The following TTC23L variants were observed in gnomAD, a reference collection of about 807,000 sequenced individuals.
The protein encoded by TTC23L is tetratricopeptide repeat domain 23 like, also known as tetratricopeptide repeat protein 23-like.
TTC23L carries 42 observed loss-of-function variants against 48.1 expected under a neutral mutation model. The ratio of observed to expected loss-of-function variants is 0.87; its 90% CI spans 0.68 to 1.13. The LOEUF (loss-of-function observed/expected upper bound fraction) is 1.13, where lower values mean the gene tolerates loss of function less well. TTC23L is among the 50% of genes most tolerant of loss of function. The pLI, the probability that TTC23L is intolerant of heterozygous loss-of-function variation, is 0.00. For missense variants in TTC23L, 391 were observed against 421.0 expected, an observed-to-expected ratio of 0.93 and a Z score of 0.62; for synonymous variants, 159 against 157.2, an observed-to-expected ratio of 1.01 and a Z score of -0.09.
chr5:34,915,921 A>C, the TTC23L span: 2 of 1,516,342 alleles, frequency 1.3e-6, no homozygotes, highest in Non-Finnish European at 1.8e-6. Flanking sequence ...TCCCCGGGCT[A>C]CACCTGCGGC....
intron 4 of TTC23L, among the ~76,000 whole-genome samples, chr5:34,852,636 C>T (rs980742747): frequency 1.3e-5 from 2 of 152,070 alleles, no homozygotes; most frequent in African/African-American, 4.8e-5. Flanking sequence ...TTTAGTGCCC[C>T]ATTCAGTATG....
At chr5:34,922,904 TATA>T in the TTC23L span, 2 of 1,226,242 alleles carry the variant, frequency 1.6e-6, no homozygotes, top group Non-Finnish European at 2.4e-6. Flanking sequence ...CAGGTACATT[TATA>T]ATGAGGTTAT....
In TTC23L at chr5:34,864,569, T is replaced by C; in HGVS notation, c.662+7T>C. 1 of 1,610,334 alleles carries C rather than the reference T, an allele frequency of 6.2e-7. No homozygotes were observed. On this transcript the variant is annotated splice_region_variant and intron_variant, in intron 6 of 10. Coordinates refer to ENST00000505624, the Ensembl canonical transcript of TTC23L. ...TAACACTTGCTTTGGGCAGGTAAGA[T>C]CTGGGCTTGGAGAAGCTGAGGCTTT...
chr5:34,860,503 T>C (rs1378347737), intron 4 of TTC23L, among the ~76,000 whole-genome samples: 1 of 152,224 alleles, frequency 6.6e-6, no homozygotes. Flanking sequence ...TTTAAATGTG[T>C]ATTCTTGGTT....
At chr5:34,848,359 T>C (rs1759387348) in intron 3 of TTC23L, among the ~76,000 whole-genome samples, 1 of 152,200 alleles carries the variant, frequency 6.6e-6, no homozygotes, top group South Asian at 2.1e-4. Flanking sequence ...AACCCATCTT[T>C]AACCTTGCTA....
At chr5:34,914,604 T>C in the TTC23L span, 28 of 1,191,358 alleles carry the variant, frequency 2.4e-5, no homozygotes, top group African/African-American at 4.6e-5. Flanking sequence ...ATTATGACTA[T>C]TAAGTTATTT....
intron 10 of TTC23L, 49 bp downstream of exon 10, chr5:34,896,924 T>G (rs1580496942): frequency 3.1e-6 from 2 of 644,290 alleles, no homozygotes; most frequent in East Asian, 2.7e-5. Context: ...TGAAAGGGGC[T>G]GCAAGAAATG....
chr5:34,861,818 G>A (rs1349960577), intron 4 of TTC23L, among the ~76,000 whole-genome samples: 1 of 152,170 alleles, frequency 6.6e-6, no homozygotes, highest in Non-Finnish European at 1.5e-5. Flanking sequence ...GTGTTTACCA[G>A]CCCCTAGGTA....
the TTC23L span, chr5:34,925,613 G>GA: frequency 2.6e-6 from 2 of 772,282 alleles, no homozygotes; most frequent in Non-Finnish European, 3.8e-6. Context: ...TTACAAGAAA[G>GA]AAAAATTAAG....
the TTC23L span, chr5:34,920,833 T>G: frequency 1.7e-4 from 25 of 150,540 alleles, no homozygotes; most frequent in East Asian, 1.9e-4. Context: ...AAAGTTTTGT[T>G]TTTTTTTTTT....
chr5:34,877,343 G>T (rs1761919836), intron 8 of TTC23L, among the ~76,000 whole-genome samples: 1 of 150,084 alleles, frequency 6.7e-6, no homozygotes, highest in Non-Finnish European at 1.5e-5. Context: ...CAAAAAACCT[G>T]CAGCTAACAC....
the TTC23L span, chr5:34,908,923 A>G: frequency 3.1e-6 from 5 of 1,608,348 alleles, no homozygotes; most frequent in Non-Finnish European, 4.2e-6. Context: ...GCCTTTGTAG[A>G]GGGTTTCAGT....
rs138048990 is a variant in TTC23L, at chr5:34,879,519, A to G, written c.950-662A>G. Among the ~76,000 whole-genome samples the G allele has an allele frequency of 9.8e-3, 1,492 of 152,324 alleles. 21 individuals are homozygous for G. Among genetic ancestry groups the G allele is most frequent in the African/African-American group, 0.034 (1,401 of 41,578 alleles). ...CCCCCAAACAGGAACCTTAGTAAAC[A>G]TTACTATCAGAGTTTTATTTAGCTA... On this transcript the variant is annotated intron_variant, in intron 8 of 10. Transcript: ENST00000505624.
chr5:34,846,286 G>T (rs1375759350), intron 3 of TTC23L, among the ~76,000 whole-genome samples: 1 of 151,658 alleles, frequency 6.6e-6, no homozygotes, highest in Non-Finnish European at 1.5e-5. Context: ...ATAGCTGGGC[G>T]TGGTGGCTCA....
intron 9 of TTC23L, among the ~76,000 whole-genome samples, chr5:34,891,456 A>G (rs751924521): frequency 4.6e-5 from 7 of 152,216 alleles, no homozygotes; most frequent in East Asian, 1.9e-4. Flanking sequence ...TATGCGCTCA[A>G]TAAGTGTTCG....
chr5:34,913,504 G>A, the TTC23L span: 4 of 1,600,472 alleles, frequency 2.5e-6, no homozygotes, highest in Non-Finnish European at 3.4e-6. Flanking sequence ...TAGATAAACA[G>A]TCTAAAAGGA....
chr5:34,915,165 G>T, the TTC23L span, among the ~76,000 whole-genome samples: 2 of 152,326 alleles, frequency 1.3e-5, no homozygotes, highest in East Asian at 3.9e-4. Flanking sequence ...ACAATAACGT[G>T]AAAAGTTGTG....
chr5:34,902,154 T>C (rs190189780), downstream of TTC23L, among the ~76,000 whole-genome samples: 14 of 152,198 alleles, frequency 9.2e-5, no homozygotes, highest in African/African-American at 3.1e-4. Context: ...CCGGGCGCGG[T>C]GGCTTAAGCC....
At chr5:34,868,986 G>T (rs1328007056) in exon 8 of TTC23L, 1 of 1,609,376 alleles carries the variant, frequency 6.2e-7, no homozygotes, top group South Asian at 1.1e-5. Context: ...CAAAGCTTAT[G>T]CCATGTCTGG....
Sources: allele counts gnomAD v4.1 joint callset (sites outside exome capture counted in the v4.1 genomes callset), GRCh38; gene constraint gnomAD v4.1.1; transcripts MANE v1.5; gene names NCBI Gene and HGNC (gene_info 2026-07-23, HGNC 2026-07-21).